Variants in SPRED1 observed in about 807,000 individuals in gnomAD.
SPRED1 encodes the protein sprouty related EVH1 domain containing 1, also known as sprouty-related, EVH1 domain-containing protein 1.
A neutral mutation model predicts 52.3 loss-of-function variants in SPRED1; 18 were observed. The observed-to-expected ratio is 0.34, with a 90% CI of 0.24 to 0.51. The LOEUF (loss-of-function observed/expected upper bound fraction) is 0.51. Among genes scored for constraint, SPRED1 ranks in the 20% least tolerant of loss-of-function variants. SPRED1 has a pLI of 0.97. For missense variants in SPRED1, 485 were observed against 551.0 expected (o/e 0.88, Z 1.20); for synonymous variants, 155 against 179.7 (o/e 0.86, Z 1.10).
intron 1 of SPRED1, among the ~76,000 whole-genome samples, chr15:38,264,655 G>C (rs1490431582): frequency 6.6e-6 from 1 of 152,184 alleles, no homozygotes; most frequent in Non-Finnish European, 1.5e-5. Context: ...GCCAGTGCCA[G>C]TGTATTTAAT....
At chr15:38,306,791 C>T (rs1595737654) in intron 2 of SPRED1, among the ~76,000 whole-genome samples, 1 of 152,174 alleles carries the variant, frequency 6.6e-6, no homozygotes, top group Admixed American at 6.5e-5. Context: ...TAGCTTAACA[C>T]TTTCACCTTT....
At chr15:38,253,331 G>C in intron 1 of SPRED1, 114 bp downstream of exon 1, 2 of 983,384 alleles carry the variant, frequency 2.0e-6, no homozygotes, top group Middle Eastern at 2.0e-4. Context: ...TGGAGAGTTC[G>C]GTGCATCTTC....
intron 1 of SPRED1, among the ~76,000 whole-genome samples, chr15:38,295,500 G>A (rs1435317757): frequency 6.6e-6 from 1 of 152,166 alleles, no homozygotes; most frequent in Non-Finnish European, 1.5e-5. Context: ...ACTGTTGTAC[G>A]TGGAGTCTGT....
intron 4 of SPRED1, among the ~76,000 whole-genome samples, chr15:38,327,222 G>T (rs771289044): frequency 3.9e-5 from 6 of 152,200 alleles, no homozygotes; most frequent in Non-Finnish European, 8.8e-5. Context: ...GTAAAAAGAT[G>T]AGACTTTTAG....
intron 2 of SPRED1, among the ~76,000 whole-genome samples, chr15:38,317,575 A>G (rs975837430): frequency 2.6e-5 from 4 of 152,012 alleles, no homozygotes; most frequent in African/African-American, 9.6e-5. Flanking sequence ...TACTAATATT[A>G]CTATTATCTT....
At chr15:38,291,628 C>T (rs546897121) in intron 1 of SPRED1, among the ~76,000 whole-genome samples, 1 of 152,246 alleles carries the variant, frequency 6.6e-6, no homozygotes, top group Non-Finnish European at 1.5e-5. Context: ...TGTGCACCCA[C>T]AGGTTCAACA....
chr15:38,259,655 A>G (rs1848508952), intron 1 of SPRED1, among the ~76,000 whole-genome samples: 1 of 152,230 alleles, frequency 6.6e-6, no homozygotes, highest in Non-Finnish European at 1.5e-5. Flanking sequence ...GGAATATGCT[A>G]ACAAGATACC....
At chr15:38,346,190 G>A (rs898541323) in intron 5 of SPRED1, among the ~76,000 whole-genome samples, 12 of 151,974 alleles carry the variant, frequency 7.9e-5, no homozygotes, top group African/African-American at 2.2e-4. Flanking sequence ...GGTGGTACGC[G>A]CCTGTAGTCT....
chr15:38,324,840 C>A, intron 4 of SPRED1, 31 bp downstream of exon 4: 2 of 1,580,480 alleles, frequency 1.3e-6, no homozygotes, highest in Non-Finnish European at 1.7e-6. Flanking sequence ...AATTTGTAAA[C>A]ATAAAGGATG....
chr15:38,270,785 T>C (rs926468630), intron 1 of SPRED1, among the ~76,000 whole-genome samples: 5 of 152,104 alleles, frequency 3.3e-5, no homozygotes, highest in South Asian at 2.1e-4. Flanking sequence ...TAATACTTGT[T>C]GAATTTTAAA....
Position 38,327,148 on chromosome 15 carries a change from C to T in SPRED1, c.423+2339C>T, listed in dbSNP as rs1020062082. ...CAGCATTTAAGGAACTACCTACACCCAGGAAATTTCATCTGTACCTGCACC... is the reference window on the plus strand; with the variant it reads ...CAGCATTTAAGGAACTACCTACACCTAGGAAATTTCATCTGTACCTGCACC... On this transcript the variant is annotated intron_variant, in intron 4 of 6. Transcript: ENST00000299084. Among the ~76,000 whole-genome samples the T allele has an allele frequency of 5.3e-5, 8 of 152,240 alleles. No individual in the cohort carries two copies. In the East Asian group the frequency reaches 9.7e-4, roughly 18 times the overall value.
chr15:38,266,125 A>G (rs1464678036), intron 1 of SPRED1, among the ~76,000 whole-genome samples: 1 of 152,228 alleles, frequency 6.6e-6, no homozygotes, highest in African/African-American at 2.4e-5. Flanking sequence ...AAAAAACTGT[A>G]TAATTTGTTA....
At chr15:38,338,564 CAT>C (rs775100519) in intron 4 of SPRED1, among the ~76,000 whole-genome samples, 2 of 152,040 alleles carry the variant, frequency 1.3e-5, no homozygotes, top group East Asian at 3.9e-4. Context: ...CCAGTTTTGA[CAT>C]AGTTTTAAGT....
At position 38,356,385 on chromosome 15, in the gene SPRED1, T is replaced by A. The variant is rs2141020100; in HGVS notation, c.*4721T>A. On this transcript the variant is annotated 3_prime_UTR_variant, in exon 7 of 7. Transcript: ENST00000299084. ...CGTGTAATTGGACATAGCAGATGAT[T>A]ATCATAAGAATTTGTTTTAATGGTT... 6.6e-6 allele frequency: 1 copy of A among 152,128 alleles called. No individual in the cohort carries two copies. Among genetic ancestry groups the A allele is most frequent in the East Asian group, 1.9e-4 (1 of 5,204 alleles). 9.4% of individuals were successfully genotyped at this position (152,128 alleles called of 1,614,324 possible). A position where few individuals can be genotyped will look rare whatever the true frequency, so the allele number is the denominator to read the frequency against.
intron 5 of SPRED1, among the ~76,000 whole-genome samples, chr15:38,348,138 T>C (rs1896179010): frequency 6.6e-6 from 1 of 152,040 alleles, no homozygotes; most frequent in South Asian, 2.1e-4. Context: ...TTGAGGTCAT[T>C]GTGTTCTATC....
At chr15:38,296,682 CA>C (rs1300618050) in intron 1 of SPRED1, among the ~76,000 whole-genome samples, 2 of 152,130 alleles carry the variant, frequency 1.3e-5, no homozygotes, top group African/African-American at 4.8e-5. Flanking sequence ...AAAATATAAC[CA>C]AATCTCTCTA....
At chr15:38,344,630 G>A (rs1021533124) in intron 5 of SPRED1, among the ~76,000 whole-genome samples, 2 of 152,108 alleles carry the variant, frequency 1.3e-5, no homozygotes, top group African/African-American at 4.8e-5. Flanking sequence ...TAGCTGTGTG[G>A]CCTTGGGCAA....
chr15:38,289,329 T>C (rs8039253), intron 1 of SPRED1, among the ~76,000 whole-genome samples: 31,186 of 151,990 alleles, frequency 0.21, 3,359 homozygotes, highest in Middle Eastern at 0.24. Context: ...CTGTGGATTT[T>C]ATTCATGAAC....
At chr15:38,350,572 C>T (rs1888459618) in intron 6 of SPRED1, among the ~76,000 whole-genome samples, 1 of 152,082 alleles carries the variant, frequency 6.6e-6, no homozygotes, top group African/African-American at 2.4e-5. Flanking sequence ...CCTAACAGCC[C>T]CAAAGACATA....
Sources: gnomAD v4.1 joint callset for allele counts (sites outside exome capture counted in the v4.1 genomes callset) on GRCh38, gnomAD v4.1.1 for gene constraint, MANE v1.5 for transcripts, NCBI Gene and HGNC (gene_info 2026-07-23, HGNC 2026-07-21) for gene names.